Variants in SSU72L5 observed in about 807,000 individuals in gnomAD.
SSU72L5 encodes RNA polymerase II subunit A C-terminal domain phosphatase SSU72 like protein 5.
the SSU72L5 span, among the ~76,000 whole-genome samples, chr11:4,234,161 C>T: frequency 4.8e-3 from 666 of 139,160 alleles, 6 homozygotes; most frequent in African/African-American, 0.015. Flanking sequence ...CCCACCATGA[C>T]GCCATTTTCC....
chr11:4,233,226 G>A, the SSU72L5 span: 128 of 520,802 alleles, frequency 2.5e-4, 2 homozygotes, highest in Middle Eastern at 1.0e-3. Context: ...TCGTCTCCTC[G>A]GCTCCGAGAC....
the SSU72L5 span, chr11:4,233,995 C>G: frequency 1.2e-5 from 5 of 426,412 alleles, no homozygotes; most frequent in Admixed American, 8.6e-5. Context: ...TACTTTTGTA[C>G]ACATCACCTG....
At chr11:4,233,901 C>T in the SSU72L5 span, 2 of 515,168 alleles carry the variant, frequency 3.9e-6, no homozygotes, top group Non-Finnish European at 6.6e-6. Context: ...TCCCCTTCCT[C>T]AGTAAGAACT....
the SSU72L5 span, chr11:4,233,952 C>T: frequency 2.2e-6 from 1 of 458,310 alleles, no homozygotes; most frequent in East Asian, 3.5e-5. Flanking sequence ...TGAGAAGCAT[C>T]TACAAAGACC....
At chr11:4,233,266 C>T in the SSU72L5 span, 3 of 520,782 alleles carry the variant, frequency 5.8e-6, no homozygotes, top group Non-Finnish European at 1.0e-5. Flanking sequence ...CTGTGTCTCT[C>T]TGGTTCCCAG....
chr11:4,234,253 G>A, the SSU72L5 span, among the ~76,000 whole-genome samples: 3 of 142,026 alleles, frequency 2.1e-5, 1 homozygote, highest in Non-Finnish European at 4.5e-5. Flanking sequence ...ACATTGTATA[G>A]ATAAGCACCT....
At chr11:4,233,230 C>G in the SSU72L5 span, 6 of 525,440 alleles carry the variant, frequency 1.1e-5, no homozygotes, top group Admixed American at 1.3e-4. Flanking sequence ...CTCCTCGGCT[C>G]CGAGACCCTG....
At chr11:4,234,269 A>G in the SSU72L5 span, among the ~76,000 whole-genome samples, 2 of 142,066 alleles carry the variant, frequency 1.4e-5, 1 homozygote, top group South Asian at 4.6e-4. Context: ...CACCTTTTAA[A>G]TAAAATTCCT....
chr11:4,234,080 C>G, the SSU72L5 span, among the ~76,000 whole-genome samples: 70,867 of 112,280 alleles, frequency 0.63, 24,817 homozygotes, highest in Non-Finnish European at 0.78. Context: ...CTGAAAAATG[C>G]TTGGCATTGT....
At chr11:4,234,071 T>G in the SSU72L5 span, among the ~76,000 whole-genome samples, 2 of 132,796 alleles carry the variant, frequency 1.5e-5, 1 homozygote, top group African/African-American at 6.1e-5. Context: ...TTAAAAGCAC[T>G]GAAAAATGCT....
the SSU72L5 span, among the ~76,000 whole-genome samples, chr11:4,234,260 A>G: frequency 7.1e-6 from 1 of 141,514 alleles, no homozygotes; most frequent in African/African-American, 2.8e-5. Flanking sequence ...ATAGATAAGC[A>G]CCTTTTAAAT....
chr11:4,233,240 G>T, the SSU72L5 span: 3 of 520,974 alleles, frequency 5.8e-6, 1 homozygote, highest in Non-Finnish European at 1.0e-5. Flanking sequence ...CCGAGACCCT[G>T]CAGCAGCTGA....
chr11:4,233,640 C>G, the SSU72L5 span: 1 of 583,522 alleles, frequency 1.7e-6, no homozygotes, highest in African/African-American at 2.1e-5. Flanking sequence ...GTCTATGACA[C>G]AGTGGTGGAA....
chr11:4,233,225 C>T, the SSU72L5 span: 24,139 of 521,656 alleles, frequency 0.046, 692 homozygotes, highest in East Asian at 0.13. Flanking sequence ...GTCGTCTCCT[C>T]GGCTCCGAGA....
At chr11:4,234,255 T>C in the SSU72L5 span, among the ~76,000 whole-genome samples, 63 of 142,520 alleles carry the variant, frequency 4.4e-4, 7 homozygotes, top group African/African-American at 1.7e-3. Flanking sequence ...ATTGTATAGA[T>C]AAGCACCTTT....
chr11:4,234,261 C>A, the SSU72L5 span, among the ~76,000 whole-genome samples: 14 of 140,912 alleles, frequency 9.9e-5, 1 homozygote, highest in African/African-American at 3.7e-4. Flanking sequence ...TAGATAAGCA[C>A]CTTTTAAATA....
chr11:4,234,230 C>T, the SSU72L5 span, among the ~76,000 whole-genome samples: 2 of 142,270 alleles, frequency 1.4e-5, no homozygotes, highest in African/African-American at 5.5e-5. Flanking sequence ...TAAGGGTATT[C>T]AGCAGATAAA....
At chr11:4,233,559 T>A in the SSU72L5 span, 1 of 649,388 alleles carries the variant, frequency 1.5e-6, no homozygotes, top group Admixed American at 2.6e-5. Flanking sequence ...AATGAGAGAA[T>A]CAAGCCCGGT....
the SSU72L5 span, among the ~76,000 whole-genome samples, chr11:4,234,216 T>A: frequency 7.0e-6 from 1 of 142,570 alleles, no homozygotes; most frequent in Non-Finnish European, 1.5e-5. Flanking sequence ...AAAAATGATT[T>A]GTTTAAGGGT....
Sources: gnomAD v4.1 joint callset for allele counts (sites outside exome capture counted in the v4.1 genomes callset) on GRCh38, gnomAD v4.1.1 for gene constraint, MANE v1.5 for transcripts, NCBI Gene and HGNC (gene_info 2026-07-23, HGNC 2026-07-21) for gene names.